Variants in EXOC6B observed in about 807,000 individuals in gnomAD.
The protein encoded by EXOC6B is SEC15 homolog B.
In EXOC6B, 54 loss-of-function variants were observed where a neutral mutation model predicts 113.5. The observed-to-expected ratio is 0.48, with a 90% confidence interval of 0.38 to 0.60. EXOC6B has a LOEUF of 0.60. Ranked by LOEUF, EXOC6B falls within the 20% of genes least tolerant of loss-of-function variation. The probability of loss-of-function intolerance (pLI) is 0.00; values close to 1 mark genes in which losing one functional copy is unlikely to be tolerated. For missense variants in EXOC6B, 797 were observed against 977.5 expected, an observed-to-expected ratio of 0.82 and a Z score of 2.46; for synonymous variants, 357 against 339.0, an observed-to-expected ratio of 1.05 and a Z score of -0.58.
At chr2:72,735,529 T>G (rs781762587) in intron 2 of EXOC6B, among the ~76,000 whole-genome samples, 1 of 152,154 alleles carries the variant, frequency 6.6e-6, no homozygotes, top group Non-Finnish European at 1.5e-5. Flanking sequence ...AGATAATAAC[T>G]GTGGGCTAGG....
intron 7 of EXOC6B, among the ~76,000 whole-genome samples, chr2:72,561,452 T>C (rs1410865464): frequency 6.6e-6 from 1 of 152,134 alleles, no homozygotes; most frequent in African/African-American, 2.4e-5. Context: ...AATCATAATT[T>C]TGTTTATATG....
At chr2:72,462,633 T>G (rs552264979) in intron 18 of EXOC6B, 6 of 152,056 alleles carry the variant, frequency 3.9e-5, no homozygotes, top group Non-Finnish European at 8.8e-5. Context: ...GTAACAGGAC[T>G]TTATCAGACA....
At chr2:72,459,135 G>A (rs1205795937) in intron 18 of EXOC6B, among the ~76,000 whole-genome samples, 2 of 152,052 alleles carry the variant, frequency 1.3e-5, no homozygotes, top group African/African-American at 4.8e-5. Flanking sequence ...GGCAGAAAAG[G>A]CCTTTGACAA....
intron 18 of EXOC6B, among the ~76,000 whole-genome samples, chr2:72,436,094 T>C (rs950275296): frequency 1.3e-5 from 2 of 152,218 alleles, no homozygotes; most frequent in African/African-American, 4.8e-5. Flanking sequence ...GCTGGTCTGG[T>C]AGTGACAAAA....
At chr2:72,395,610 T>C (rs2105131392) in intron 18 of EXOC6B, among the ~76,000 whole-genome samples, 1 of 152,142 alleles carries the variant, frequency 6.6e-6, no homozygotes, top group Admixed American at 6.5e-5. Flanking sequence ...AACCAACACA[T>C]CCATATTATG....
chr2:72,708,986 T>G (rs1271819071), intron 6 of EXOC6B, among the ~76,000 whole-genome samples: 1 of 146,012 alleles, frequency 6.8e-6, no homozygotes, highest in Admixed American at 7.1e-5. Context: ...TCAAGTGATC[T>G]TCCCACCTCA....
At chr2:72,325,307 G>A (rs1688064908) in intron 20 of EXOC6B, among the ~76,000 whole-genome samples, 1 of 152,096 alleles carries the variant, frequency 6.6e-6, no homozygotes, top group Non-Finnish European at 1.5e-5. Flanking sequence ...TTTAAGAGAT[G>A]AGAATCCCAT....
At chr2:72,712,999 T>C (rs556461780) in intron 6 of EXOC6B, among the ~76,000 whole-genome samples, 30 of 152,230 alleles carry the variant, frequency 2.0e-4, no homozygotes, top group Non-Finnish European at 4.0e-4. Flanking sequence ...ATAGTATTTT[T>C]TGTGTTTTAT....
chr2:72,729,022 A>T (rs1680476139), intron 5 of EXOC6B, among the ~76,000 whole-genome samples: 1 of 152,160 alleles, frequency 6.6e-6, no homozygotes, highest in South Asian at 2.1e-4. Flanking sequence ...GTATCCCCAG[A>T]ACCAAGAGTA....
At chr2:72,699,868 G>A (rs1421383996) in intron 6 of EXOC6B, among the ~76,000 whole-genome samples, 1 of 152,096 alleles carries the variant, frequency 6.6e-6, no homozygotes, top group Non-Finnish European at 1.5e-5. Context: ...CAAAATCTAA[G>A]CTAAAAATAT....
intron 7 of EXOC6B, among the ~76,000 whole-genome samples, chr2:72,561,381 T>C (rs1703876376): frequency 6.6e-6 from 1 of 152,170 alleles, no homozygotes. Flanking sequence ...TTTAAATTCT[T>C]TGTTACATAT....
chr2:72,811,819 A>T (rs1248550049), intron 1 of EXOC6B, among the ~76,000 whole-genome samples: 1 of 152,198 alleles, frequency 6.6e-6, no homozygotes, highest in African/African-American at 2.4e-5. Context: ...ATATAAAATG[A>T]TGCATTATAA....
chr2:72,379,200 A>C (rs962757110), intron 19 of EXOC6B, among the ~76,000 whole-genome samples: 4 of 152,214 alleles, frequency 2.6e-5, no homozygotes, highest in Non-Finnish European at 5.9e-5. Context: ...GACATCACTG[A>C]GCAACTAAAC....
At chr2:72,782,940 T>G (rs1389408837) in intron 1 of EXOC6B, among the ~76,000 whole-genome samples, 1 of 152,218 alleles carries the variant, frequency 6.6e-6, no homozygotes, top group Non-Finnish European at 1.5e-5. Context: ...GCACTTAGGT[T>G]GATTCTGTAG....
chr2:72,330,407 T>C (rs143696451), intron 20 of EXOC6B, among the ~76,000 whole-genome samples: 1,529 of 152,004 alleles, frequency 0.01, 65 homozygotes, highest in Non-Finnish European at 5.9e-3. Flanking sequence ...AATTAAGAAA[T>C]GGGGATTTAA....
intron 20 of EXOC6B, among the ~76,000 whole-genome samples, chr2:72,200,067 T>C (rs1679397194): frequency 6.6e-6 from 1 of 152,114 alleles, no homozygotes; most frequent in Non-Finnish European, 1.5e-5. Context: ...CTGCTAATTT[T>C]TGTATTTGTA....
At chr2:72,385,442 G>C (rs1349934861) in intron 18 of EXOC6B, among the ~76,000 whole-genome samples, 1 of 150,064 alleles carries the variant, frequency 6.7e-6, no homozygotes, top group Non-Finnish European at 1.5e-5. Context: ...CCATGACATT[G>C]ATCTGTACAA....
At chr2:72,293,945 G>T (rs925042690) in intron 20 of EXOC6B, among the ~76,000 whole-genome samples, 2 of 151,840 alleles carry the variant, frequency 1.3e-5, no homozygotes, top group African/African-American at 4.8e-5. Context: ...CAGAGGAAAA[G>T]AATATTTCTG....
At chr2:72,664,347 G>A (rs1399364391) in intron 6 of EXOC6B, among the ~76,000 whole-genome samples, 2 of 152,112 alleles carry the variant, frequency 1.3e-5, no homozygotes, top group African/African-American at 4.8e-5. Context: ...TAGGATCCCA[G>A]CACGGAGTTG....
Sources: allele counts gnomAD v4.1 joint callset (sites outside exome capture counted in the v4.1 genomes callset), GRCh38; gene constraint gnomAD v4.1.1; transcripts MANE v1.5; gene names NCBI Gene and HGNC (gene_info 2026-07-23, HGNC 2026-07-21).